Variants in CBARP observed in about 807,000 individuals in gnomAD.
The protein encoded by CBARP is voltage-dependent calcium channel beta subunit-associated regulatory protein.
CBARP carries 24 observed loss-of-function variants against 36.3 expected under a neutral mutation model. The observed-to-expected ratio is 0.66, with a 90% CI of 0.48 to 0.93. The LOEUF (loss-of-function observed/expected upper bound fraction) is 0.93. Among genes scored for constraint, CBARP ranks in the 40% least tolerant of loss-of-function variants. The pLI, the probability that CBARP is intolerant of heterozygous loss-of-function variation, is 0.00. For missense variants in CBARP, 1,146 were observed against 980.4 expected, an observed-to-expected ratio of 1.17 and a Z score of -2.26; for synonymous variants, 586 against 453.2, an observed-to-expected ratio of 1.29 and a Z score of -3.72.
chr19:1,230,353 G>A (rs1040806194), intron 9 of CBARP: 24 of 986,764 alleles, frequency 2.4e-5, no homozygotes, highest in Non-Finnish European at 2.9e-5. Flanking sequence ...TTATTAAGCA[G>A]GGTGCCTCCA....
At position 1,230,030 on chromosome 19, in the gene CBARP, G is replaced by T; in HGVS notation, c.1267C>A (p.Arg423=). Reference sequence around the variant, plus strand: ...TGGGCCTGCTCGGGGCCCGCGTCCCGCTCGGCGTCCGGCTCCAGTGGCGGC... The same window carrying T: ...TGGGCCTGCTCGGGGCCCGCGTCCCTCTCGGCGTCCGGCTCCAGTGGCGGC... ...QQPPLEPDAE[R]DAGPEQAQTS... is the part of the protein sequence containing the mutation. Residue 423 remains arginine, a synonymous_variant, in exon 10 of 10, where the codon CGG becomes AGG. Coordinates refer to ENST00000650044, the MANE Select transcript of CBARP (RefSeq NM_001393918.1). 8.2e-7 allele frequency: 1 copy of T among 1,226,162 alleles called. No individual in the cohort carries two copies. The allele number at this position is 1,226,162 out of a possible 1,614,324, so 76.0% of individuals were successfully genotyped here.
At position 1,234,735 on chromosome 19, in the gene CBARP, G is replaced by C; in HGVS notation, c.463C>G (p.Leu155Val). Residue 155 changes from leucine (L) to valine (V), a missense_variant, in exon 6 of 10, where the codon CTG becomes GTG. Physicochemically the swap from Leu to Val is conservative, Grantham distance 32. Coordinates refer to ENST00000650044, the MANE Select transcript of CBARP (RefSeq NM_001393918.1). The stretch of plus-strand genomic sequence containing the variant: ...AGGTGGTGGAAGTCCCCCTCCGTCA[G>C]TGTGTACCTGCGACAGCATCTGGCC... ...KTQDKGRRYT[L>V]TEGDFHHLKN... 1 of 1,612,522 alleles carries C rather than the reference G, an allele frequency of 6.2e-7. No individual in the cohort carries two copies. The highest frequency in any genetic ancestry group is 8.5e-7 in the Non-Finnish European group (1 of 1,179,578).
Position 1,234,715 on chromosome 19 carries a change from G to C in CBARP, c.483C>G (p.His161Gln). 1 of 1,613,158 alleles carries C rather than the reference G, an allele frequency of 6.2e-7. No individual in the cohort carries two copies. Reference sequence around the variant, plus strand: ...GCGTGAGCCGGGCATTCTTCAGGTGGTGGAAGTCCCCCTCCGTCAGTGTGT... The same window carrying C: ...GCGTGAGCCGGGCATTCTTCAGGTGCTGGAAGTCCCCCTCCGTCAGTGTGT... ...RRYTLTEGDFHHLKNARLTHL... is the reference protein window; with the variant it reads ...RRYTLTEGDFQHLKNARLTHL... Residue 161 changes from histidine (H) to glutamine (Q), a missense_variant, in exon 6 of 10, where the codon CAC becomes CAG. Coordinates refer to ENST00000650044, the MANE Select transcript of CBARP (RefSeq NM_001393918.1).
At chr19:1,231,345 C>T in intron 8 of CBARP, 70 bp from the exon 9 acceptor site, 1 of 1,520,666 alleles carries the variant, frequency 6.6e-7, no homozygotes, top group Non-Finnish European at 8.8e-7. Context: ...ACACAGAATG[C>T]CTATGCCCCC....
intron 1 of CBARP, among the ~76,000 whole-genome samples, chr19:1,236,575 C>G (rs2080976807): frequency 6.6e-6 from 1 of 151,906 alleles, no homozygotes; most frequent in Admixed American, 6.5e-5. Context: ...CAGCTACACC[C>G]TGGCAGGGCC....
chr19:1,236,328 C>T (rs1279840907), intron 1 of CBARP, among the ~76,000 whole-genome samples: 1 of 152,224 alleles, frequency 6.6e-6, no homozygotes, highest in African/African-American at 2.4e-5. Flanking sequence ...CATCTCCCAT[C>T]CCCATGGCGG....
At position 1,235,555 on chromosome 19, in the gene CBARP, C is replaced by T. The variant is rs1215128583; in HGVS notation, c.256G>A (p.Glu86Lys). 3.1e-6 allele frequency: 5 copies of T among 1,607,268 alleles called. No homozygotes were observed. The highest frequency in any genetic ancestry group is 4.2e-6 in the Non-Finnish European group (5 of 1,177,402). Residue 86 changes from glutamate to lysine, a missense_variant, in exon 4 of 10, where the codon GAA (glutamate) becomes AAA (lysine). Transcript: ENST00000650044. ...TAGGTGGTGGTGGTCTTCTCCGCTT[C>T]CTCCATGGCCCTGGGAGAGACGTTG... is the stretch of plus-strand genomic sequence containing the variant. Reference protein sequence around the residue: ...VHQRLNRAMEEAEKTTTTYLD... With the variant: ...VHQRLNRAMEKAEKTTTTYLD...
intron 8 of CBARP, among the ~76,000 whole-genome samples, chr19:1,232,559 T>C (rs12977299): frequency 0.3 from 44,901 of 152,046 alleles, 6,993 homozygotes; most frequent in East Asian, 0.59. Context: ...GTGCTACAGA[T>C]GGGACACCTC....
Position 1,234,204 on chromosome 19 carries a change from C to G in CBARP, c.755G>C (p.Gly252Ala). 1 of 1,523,812 alleles carries G rather than the reference C, an allele frequency of 6.6e-7. No individual in the cohort carries two copies. The highest frequency in any genetic ancestry group is 8.8e-7 in the Non-Finnish European group (1 of 1,140,134). The allele number at this position is 1,523,812 out of a possible 1,614,324, so 94.4% of individuals were successfully genotyped here. ...AGGGGCCCTCACCGAGGTGCCTTCC[C>G]CAGAGTCGCTAGATGCCGAGGGGCT... ...EISPSASSDSGEGTSLDAGTR... is the reference protein window; with the variant it reads ...EISPSASSDSAEGTSLDAGTR... Residue 252 changes from glycine (G) to alanine (A), a missense_variant, in exon 7 of 10, where the codon GGG becomes GCG. Transcript: ENST00000650044.
chr19:1,230,756 T>C, intron 9 of CBARP: 1 of 1,355,288 alleles, frequency 7.4e-7, no homozygotes, highest in Non-Finnish European at 9.5e-7. Context: ...CTGCCCAGCC[T>C]TGGGAGCATG....
intron 4 of CBARP, 149 bp downstream of exon 4, chr19:1,235,352 A>T: frequency 9.2e-7 from 1 of 1,090,716 alleles, no homozygotes; most frequent in Non-Finnish European, 1.3e-6. Context: ...CCTGGGCGTT[A>T]AGGAAACAGA....
Position 1,235,041 on chromosome 19 carries a change from G to T in CBARP, c.415C>A (p.Leu139Met). 1 of 1,611,232 alleles carries T rather than the reference G, an allele frequency of 6.2e-7. No homozygotes were observed. ...GRRVSFNEAA[L>M]FEQSRKTQDK... ...TGCGTCTTGCGGCTCTGCTCAAACA[G>T]CGCCGCCTCATTGAAGGAGACCCGG... Residue 139 changes from leucine (L) to methionine (M), a missense_variant, in exon 5 of 10, where the codon CTG (leucine) becomes ATG (methionine). Transcript: ENST00000650044.
chr19:1,237,276 C>A (rs1314873296), intron 1 of CBARP, among the ~76,000 whole-genome samples: 1 of 152,160 alleles, frequency 6.6e-6, no homozygotes, highest in Non-Finnish European at 1.5e-5. Flanking sequence ...GGCCCTGGTA[C>A]TGGGGGAAGG....
At position 1,229,274 on chromosome 19, in the gene CBARP, C is replaced by G; in HGVS notation, c.2023G>C (p.Glu675Gln). Reference protein sequence around the residue: ...VLDKLAAGLDERLFPPRLAEP... With the variant: ...VLDKLAAGLDQRLFPPRLAEP... ...GCGAGGCGCGGCGGAAAGAGTCTCT[C>G]GTCGAGGCCAGCCGCCAGCTTGTCC... Residue 675 changes from glutamate to glutamine, a missense_variant, in exon 10 of 10, where the codon GAG (glutamate) becomes CAG (glutamine). Glu to Gln is a conservative substitution (Grantham distance 29, BLOSUM62 2). Coordinates refer to ENST00000650044, the MANE Select transcript of CBARP (RefSeq NM_001393918.1). This position sits in a 1 kb window ranked among gnomAD's most constrained non-coding sequence, Gnocchi z 5.1. The G allele has an allele frequency of 1.6e-6, 2 of 1,254,432 alleles. No homozygotes were observed. Among genetic ancestry groups the G allele is most frequent in the South Asian group, 1.3e-5 (1 of 77,328 alleles). The allele number at this position is 1,254,432 out of a possible 1,614,324, so 77.7% of individuals were successfully genotyped here.
At chr19:1,236,755 C>G (rs1432281027) in intron 1 of CBARP, among the ~76,000 whole-genome samples, 1 of 150,610 alleles carries the variant, frequency 6.6e-6, no homozygotes, top group Non-Finnish European at 1.5e-5. Context: ...TTCCCAGCCC[C>G]GGAGAAGCTG....
At chr19:1,235,377 G>A (rs1371533180) in intron 4 of CBARP, 124 bp downstream of exon 4, 14 of 1,191,576 alleles carry the variant, frequency 1.2e-5, no homozygotes, top group Middle Eastern at 2.5e-4. Context: ...AGTCGGAATC[G>A]AGCTGCGCCC....
chr19:1,232,218 G>A (rs922767455), intron 8 of CBARP, among the ~76,000 whole-genome samples: 4 of 152,090 alleles, frequency 2.6e-5, no homozygotes, highest in Non-Finnish European at 4.4e-5. Context: ...GTCACCCCTG[G>A]GCCCCATTCA....
At chr19:1,235,263 G>T in intron 4 of CBARP, 118 bp from the exon 5 acceptor site, 2 of 1,215,244 alleles carry the variant, frequency 1.6e-6, no homozygotes, top group Non-Finnish European at 2.1e-6. Context: ...GGCACGGGCG[G>T]CCGGGCTGGC....
At position 1,229,203 on chromosome 19, in the gene CBARP, C is replaced by G. The variant is rs1416224338; in HGVS notation, c.2094G>C (p.Thr698=). 1 of 1,195,104 alleles carries G rather than the reference C, an allele frequency of 8.4e-7. No individual in the cohort carries two copies. Among genetic ancestry groups the G allele is most frequent in the Non-Finnish European group, 1.1e-6 (1 of 941,948 alleles). The allele number at this position is 1,195,104 out of a possible 1,614,324, so 74.0% of individuals were successfully genotyped here. The change falls in exon 10 of 10, where the codon ACG becomes ACC. Residue 698 remains threonine (T), a synonymous_variant. Coordinates refer to ENST00000650044, the MANE Select transcript of CBARP (RefSeq NM_001393918.1). This position sits in a 1 kb window ranked among gnomAD's most constrained non-coding sequence, Gnocchi z 5.1. ...CTTAGGCCGGGCTGTGGTCGGGGGA[C>G]GTGGGGGCGGCGGCGACCAACGCGG... ...ATPALVAAAP[T]SPDHSPA is the part of the protein sequence containing the mutation.
Sources: gnomAD v4.1 joint callset for allele counts (sites outside exome capture counted in the v4.1 genomes callset) on GRCh38, gnomAD v4.1.1 for gene constraint, Gnocchi (gnomAD v3.1) non-coding constraint, MANE v1.5 for transcripts, NCBI Gene and HGNC (gene_info 2026-07-23, HGNC 2026-07-21) for gene names.